CYP11A1: variants seen among roughly 807,000 people sequenced by gnomAD.
The protein encoded by CYP11A1 is cytochrome P450 family 11 subfamily A member 1, also known as cholesterol side-chain cleavage enzyme, mitochondrial.
Under a neutral mutation model 51.9 loss-of-function variants are expected in CYP11A1, and 25 were observed. The ratio of observed to expected loss-of-function variants is 0.48; its 90% confidence interval spans 0.35 to 0.67. The LOEUF is 0.67. Among genes scored for constraint, CYP11A1 ranks in the 30% least tolerant of loss-of-function variants. CYP11A1 has a pLI of 0.00. For missense variants in CYP11A1, 578 were observed against 680.9 expected, an observed-to-expected ratio of 0.85 and a Z score of 1.68; for synonymous variants, 245 against 262.1, an observed-to-expected ratio of 0.93 and a Z score of 0.63.
chr15:74,352,753 C>A (rs2060661943), intron 1 of CYP11A1, among the ~76,000 whole-genome samples: 1 of 152,222 alleles, frequency 6.6e-6, no homozygotes, highest in East Asian at 1.9e-4. Flanking sequence ...CCACTCCTTG[C>A]CTTGAGTTGT....
intron 1 of CYP11A1, chr15:74,364,668 C>G (rs2060723641): frequency 6.6e-6 from 1 of 152,184 alleles, no homozygotes. Context: ...CGCCAAGAAC[C>G]TGGACACCCT....
At chr15:74,367,178 CAAA>C (rs11350546) in intron 1 of CYP11A1, 136 bp downstream of exon 1, 6,201 of 680,002 alleles carry the variant, frequency 9.1e-3, no homozygotes, top group Non-Finnish European at 0.011. Context: ...ATTGTATTAC[CAAA>C]AAAAAAAAAA....
Position 74,367,334 on chromosome 15 carries a change from C to G in CYP11A1, c.252G>C (p.Lys84Asn), listed in dbSNP as rs764081632. Residue 84 changes from lysine (K) to asparagine (N), a missense_variant, in exon 1 of 9, where the codon AAG (lysine) becomes AAC (asparagine). Lys to Asn is a moderately conservative substitution (Grantham distance 94, BLOSUM62 0). Coordinates refer to ENST00000268053, the MANE Select transcript of CYP11A1 (RefSeq NM_000781.3). ...AGGCTTACCTGTAAATCGGGCCATA[C>G]TTCTGGAAATTCTGGACATGGTGAA... is the stretch of plus-strand genomic sequence containing the variant. ...VHLHHVQNFQKYGPIYREKLG... is the reference protein window; with the variant it reads ...VHLHHVQNFQNYGPIYREKLG... 1 of 1,614,062 alleles carries G rather than the reference C, an allele frequency of 6.2e-7. No homozygotes were observed. Among genetic ancestry groups the G allele is most frequent in the African/African-American group, 1.3e-5 (1 of 74,918 alleles).
Position 74,346,804 on chromosome 15 carries a change from T to C in CYP11A1, c.425+1096A>G, listed in dbSNP as rs574882976. On this transcript the variant is annotated intron_variant, in intron 2 of 8. Transcript: ENST00000268053. ...TTACGTTTTACCTTTTCTTTTCTTTTTTTTTTTTTTTTTTGAGACAGGATC... is the reference window on the plus strand; with the variant it reads ...TTACGTTTTACCTTTTCTTTTCTTTCTTTTTTTTTTTTTTGAGACAGGATC... 4.0e-5 allele frequency among the ~76,000 whole-genome samples: 6 copies of C among 148,932 alleles called. No homozygotes were observed. In the East Asian group the frequency reaches 9.8e-4, roughly 24 times the overall value.
chr15:74,338,186 C>A, intron 8 of CYP11A1, 83 bp from the exon 9 acceptor site: 1 of 1,542,618 alleles, frequency 6.5e-7, no homozygotes, highest in South Asian at 1.1e-5. Flanking sequence ...ATAGGCAGTG[C>A]CTGTGGAGTG....
Position 74,365,791 on chromosome 15 carries a change from A to C in CYP11A1, c.269+1526T>G, listed in dbSNP as rs1015321777. ...GCAGCGAGCGAGGGCAGAGGCCAGC[A>C]GAGGCGAGGAGTGGATGCTGCAGGG... On this transcript the variant is annotated intron_variant, in intron 1 of 8. Coordinates refer to ENST00000268053, the MANE Select transcript of CYP11A1 (RefSeq NM_000781.3). The C allele has an allele frequency of 7.1e-6, 7 of 985,446 alleles. No individual in the cohort carries two copies. In the African/African-American group the frequency reaches 1.2e-4, roughly 17 times the overall value. 61.0% of individuals were successfully genotyped at this position (985,446 alleles called of 1,614,324 possible).
rs2060725438 is a variant in CYP11A1, at chr15:74,364,976, G to C, written c.269+2341C>G. On this transcript the variant is annotated intron_variant, in intron 1 of 8. Coordinates refer to ENST00000268053, the MANE Select transcript of CYP11A1 (RefSeq NM_000781.3). ...GACTTTAAAGGAGTTGTGAGAGAGG[G>C]AGGGAGCAGCTGAAGCCCCAACACA... 2.0e-5 allele frequency among the ~76,000 whole-genome samples: 3 copies of C among 152,194 alleles called. No individual in the cohort carries two copies. In the South Asian group the frequency reaches 6.2e-4, roughly 32 times the overall value.
At chr15:74,352,641 T>G (rs944296259) in intron 1 of CYP11A1, among the ~76,000 whole-genome samples, 3 of 152,154 alleles carry the variant, frequency 2.0e-5, no homozygotes, top group African/African-American at 7.2e-5. Context: ...AAAGTCTCAC[T>G]GAGATAAATG....
intron 5 of CYP11A1, among the ~76,000 whole-genome samples, chr15:74,342,433 T>G (rs1244455645): frequency 2.0e-5 from 3 of 152,194 alleles, no homozygotes; most frequent in African/African-American, 7.2e-5. Context: ...GGTGCCATGC[T>G]GCTATGGAAA....
At position 74,339,229 on chromosome 15, in the gene CYP11A1, G is replaced by T; in HGVS notation, c.1236+8C>A. On this transcript the variant is annotated splice_region_variant and intron_variant, in intron 7 of 8. Transcript: ENST00000268053. ...TGGCAGAGCCTGCAGCCTGCTGGCT[G>T]CACCTACCTTGGCAGGAATCATGTA... The T allele has an allele frequency of 6.2e-7, 1 of 1,611,006 alleles. No homozygotes were observed. Among genetic ancestry groups the T allele is most frequent in the Non-Finnish European group, 8.5e-7 (1 of 1,177,120 alleles).
chr15:74,337,998 A>C lies in CYP11A1; in HGVS notation c.1540T>G (p.Phe514Val). ...CACTGCTGGGTTGCTTCCTGGTTAA[A>C]GGGCCAGAAGGTGAAGGAGATGGGC... ...EKPISFTFWP[F>V]NQEATQQ Residue 514 changes from phenylalanine to valine, a missense_variant, in exon 9 of 9, where the codon TTT becomes GTT. By Grantham distance (50) the Phe-to-Val change is conservative. Transcript: ENST00000268053. 1 of 1,614,146 alleles carries C rather than the reference A, an allele frequency of 6.2e-7. No homozygotes were observed. Among genetic ancestry groups the C allele is most frequent in the East Asian group, 2.2e-5 (1 of 44,874 alleles).
rs776157151 is a variant in CYP11A1, at chr15:74,367,437, T to C, written c.149A>G (p.Glu50Gly). Reference sequence around the variant, plus strand: ...GCCATTGTCACCAGGAGAGGGGATCTCATTGAAGGGGCGAGGACTGCGGGT... The same window carrying C: ...GCCATTGTCACCAGGAGAGGGGATCCCATTGAAGGGGCGAGGACTGCGGGT... ...ISTRSPRPFN[E>G]IPSPGDNGWL... Residue 50 changes from glutamate to glycine, a missense_variant, in exon 1 of 9, where the codon GAG (glutamate) becomes GGG (glycine). Physicochemically the swap from Glu to Gly is moderately conservative, Grantham distance 98 (BLOSUM62 -2). Coordinates refer to ENST00000268053, the MANE Select transcript of CYP11A1 (RefSeq NM_000781.3). 22 of 1,614,100 alleles carry C rather than the reference T, an allele frequency of 1.4e-5. No individual in the cohort carries two copies. Among genetic ancestry groups the C allele is most frequent in the Middle Eastern group, 1.6e-4 (1 of 6,084 alleles).
Position 74,337,955 on chromosome 15 carries a change from C to T in CYP11A1, c.*17G>A, listed in dbSNP as rs763476784. ...CCTGGGCCTTCCTCCCATGTGGCTG[C>T]AGGCCATCCTCTCTGATCACTGCTG... On this transcript the variant is annotated 3_prime_UTR_variant, in exon 9 of 9. Coordinates refer to ENST00000268053, the MANE Select transcript of CYP11A1 (RefSeq NM_000781.3). 14 of 1,613,442 alleles carry T rather than the reference C, an allele frequency of 8.7e-6. No homozygotes were observed. Among genetic ancestry groups the T allele is most frequent in the South Asian group, 2.2e-5 (2 of 91,046 alleles).
intron 4 of CYP11A1, 86 bp from the exon 5 acceptor site, chr15:74,343,223 A>C (rs982634266): frequency 7.1e-7 from 1 of 1,417,146 alleles, no homozygotes; most frequent in Non-Finnish European, 9.9e-7. Context: ...GGTGGCACCA[A>C]GGGCCTGGGG....
chr15:74,348,937 G>T (rs2060643831), intron 1 of CYP11A1, among the ~76,000 whole-genome samples: 1 of 152,130 alleles, frequency 6.6e-6, no homozygotes. Flanking sequence ...TGTTGCCCAG[G>T]CTGGTCTCAA....
chr15:74,348,063 G>T lies in CYP11A1; in HGVS notation c.270-8C>A, dbSNP rs770178570. 1.2e-5 allele frequency: 20 copies of T among 1,613,880 alleles called. No homozygotes were observed. The South Asian group carries it at 1.9e-4, about 15-fold the overall frequency. On this transcript the variant is annotated splice_polypyrimidine_tract_variant and splice_region_variant and intron_variant, in intron 1 of 8. Transcript: ENST00000268053. ...ACGTTGCCGAGCTTCTCCCTGGAGG[G>T]GTGGGGGAGAGGGGCTGATGGAAGG...
Position 74,338,561 on chromosome 15 carries a change from C to T in CYP11A1, c.1434+10G>A, listed in dbSNP as rs2060590342. Reference sequence around the variant, plus strand: ...GCCCAGGGTGCCTAGATGTCCCCAGCTTGACTCACATTGATGAGGAAGATG... The same window carrying T: ...GCCCAGGGTGCCTAGATGTCCCCAGTTTGACTCACATTGATGAGGAAGATG... On this transcript the variant is annotated intron_variant, in intron 8 of 8. Transcript: ENST00000268053. The T allele has an allele frequency of 1.2e-6, 2 of 1,614,076 alleles. No homozygotes were observed. Among genetic ancestry groups the T allele is most frequent in the Non-Finnish European group, 1.7e-6 (2 of 1,179,948 alleles).
intron 8 of CYP11A1, 29 bp downstream of exon 8, chr15:74,338,542 G>A (rs1476870336): frequency 6.2e-7 from 1 of 1,611,168 alleles, no homozygotes. Flanking sequence ...GCCAGCCCAG[G>A]GTGCCTAGAT....
chr15:74,343,383 G>A (rs899810872), intron 4 of CYP11A1, among the ~76,000 whole-genome samples: 1 of 151,854 alleles, frequency 6.6e-6, no homozygotes, highest in African/African-American at 2.4e-5. Context: ...ATAGTCACTT[G>A]CCCAAGGTCA....
Sources: allele counts gnomAD v4.1 joint callset (sites outside exome capture counted in the v4.1 genomes callset), GRCh38; gene constraint gnomAD v4.1.1; transcripts MANE v1.5; gene names NCBI Gene and HGNC (gene_info 2026-07-23, HGNC 2026-07-21).